MAST4: variants seen among roughly 807,000 people sequenced by gnomAD.
The protein encoded by MAST4 is microtubule associated serine/threonine kinase family member 4, also known as microtubule-associated serine/threonine-protein kinase 4.
In MAST4, 89 loss-of-function variants were observed where a neutral mutation model predicts 162.7. That is an observed-to-expected ratio of 0.55 (90% CI 0.46 to 0.65). The LOEUF is 0.65. Among genes scored for constraint, MAST4 ranks in the 30% least tolerant of loss-of-function variants. The probability of loss-of-function intolerance (pLI) is 0.00; values close to 1 mark genes in which losing one functional copy is unlikely to be tolerated. For missense variants in MAST4, 3,153 were observed against 3,374.0 expected (o/e 0.93, Z 1.62); for synonymous variants, 1,479 against 1,361.1 (o/e 1.09, Z -1.91).
chr5:67,050,243 A>C (rs767517996), intron 4 of MAST4, among the ~76,000 whole-genome samples: 1 of 152,138 alleles, frequency 6.6e-6, no homozygotes, highest in Non-Finnish European at 1.5e-5. Flanking sequence ...TGTTTTCGCG[A>C]TGGTAATAGT....
At chr5:66,728,946 T>G (rs868407098) in intron 1 of MAST4, among the ~76,000 whole-genome samples, 1 of 152,194 alleles carries the variant, frequency 6.6e-6, no homozygotes, top group Non-Finnish European at 1.5e-5. Flanking sequence ...GGAGAGAAGA[T>G]TGTTGAATGC....
chr5:66,742,973 A>C (rs1752555264), intron 1 of MAST4, among the ~76,000 whole-genome samples: 1 of 152,216 alleles, frequency 6.6e-6, no homozygotes, highest in Admixed American at 6.5e-5. Flanking sequence ...CAAGCTATTA[A>C]TTGTGAATAG....
At chr5:66,886,467 C>G (rs1315369318) in intron 3 of MAST4, among the ~76,000 whole-genome samples, 1 of 151,916 alleles carries the variant, frequency 6.6e-6, no homozygotes, top group Non-Finnish European at 1.5e-5. Context: ...GTTCAAAGTT[C>G]CTTTGTTCTA....
At chr5:66,708,692 A>G (rs962472871) in intron 1 of MAST4, among the ~76,000 whole-genome samples, 2 of 152,156 alleles carry the variant, frequency 1.3e-5, no homozygotes, top group East Asian at 3.9e-4. Context: ...TTGGCTATTA[A>G]GGTTTTAGAT....
intron 4 of MAST4, among the ~76,000 whole-genome samples, chr5:66,961,319 A>G (rs920850763): frequency 6.6e-6 from 1 of 152,218 alleles, no homozygotes; most frequent in Non-Finnish European, 1.5e-5. Context: ...TCACACAGCA[A>G]ATGTGTAGAA....
intron 3 of MAST4, among the ~76,000 whole-genome samples, chr5:66,879,882 A>G (rs1020647717): frequency 2.6e-5 from 4 of 152,204 alleles, no homozygotes; most frequent in Admixed American, 2.0e-4. Context: ...CAAATTGTCA[A>G]TGTTAATCAA....
chr5:67,003,682 G>A (rs957913283), intron 4 of MAST4, among the ~76,000 whole-genome samples: 1 of 152,132 alleles, frequency 6.6e-6, no homozygotes, highest in Non-Finnish European at 1.5e-5. Flanking sequence ...TGGATAGGGG[G>A]AGATATTTAA....
intron 1 of MAST4, among the ~76,000 whole-genome samples, chr5:66,753,345 A>C (rs1753309578): frequency 6.6e-6 from 1 of 152,002 alleles, no homozygotes; most frequent in South Asian, 2.1e-4. Context: ...CCCTTCAAAA[A>C]ATTAATGAAT....
intron 3 of MAST4, among the ~76,000 whole-genome samples, chr5:66,842,920 C>T (rs1278325778): frequency 6.6e-6 from 1 of 152,100 alleles, no homozygotes; most frequent in African/African-American, 2.4e-5. Flanking sequence ...TAAATCTTAT[C>T]ACCATTATTT....
At chr5:67,033,315 C>CTCTG (rs1554084489) in intron 4 of MAST4, among the ~76,000 whole-genome samples, 68 of 125,988 alleles carry the variant, frequency 5.4e-4, no homozygotes, top group African/African-American at 2.0e-3. Flanking sequence ...TTTCATTTCT[C>CTCTG]TGTGTGTGTG....
chr5:66,686,259 T>A (rs1309196322), intron 1 of MAST4, among the ~76,000 whole-genome samples: 1 of 152,200 alleles, frequency 6.6e-6, no homozygotes, highest in Admixed American at 6.5e-5. Context: ...TAAGATTAAC[T>A]GCATTACACA....
chr5:66,918,867 A>C (rs1764285060), intron 4 of MAST4, among the ~76,000 whole-genome samples: 1 of 152,214 alleles, frequency 6.6e-6, no homozygotes, highest in African/African-American at 2.4e-5. Flanking sequence ...TGATATACTT[A>C]GATAAAATTG....
intron 1 of MAST4, among the ~76,000 whole-genome samples, chr5:66,645,085 T>C (rs936449395): frequency 1.8e-4 from 27 of 152,052 alleles, no homozygotes; most frequent in African/African-American, 6.5e-4. Flanking sequence ...CTGTTTCTTT[T>C]TGAAGGTGGG....
chr5:67,049,063 A>ATATATACG (rs1554087488), intron 4 of MAST4, among the ~76,000 whole-genome samples: 11 of 98,568 alleles, frequency 1.1e-4, no homozygotes, highest in African/African-American at 3.9e-4. Flanking sequence ...ATATATACGT[A>ATATATACG]TATATATATA....
At chr5:66,650,269 C>G (rs1038103187) in intron 1 of MAST4, among the ~76,000 whole-genome samples, 1 of 152,046 alleles carries the variant, frequency 6.6e-6, no homozygotes, top group Non-Finnish European at 1.5e-5. Flanking sequence ...CATATATGAT[C>G]CTTCTCGGGT....
chr5:66,821,631 A>G (rs1001948527), intron 3 of MAST4, among the ~76,000 whole-genome samples: 3 of 152,224 alleles, frequency 2.0e-5, no homozygotes, highest in African/African-American at 4.8e-5. Flanking sequence ...ATAAAGATTC[A>G]TGTCAACCTC....
intron 1 of MAST4, among the ~76,000 whole-genome samples, chr5:66,680,034 G>A (rs1239028162): frequency 6.6e-6 from 1 of 152,120 alleles, no homozygotes; most frequent in African/African-American, 2.4e-5. Flanking sequence ...GACTGATCAT[G>A]AGCAGCTTGA....
At chr5:66,926,564 C>CTATATA (rs201997403) in intron 4 of MAST4, among the ~76,000 whole-genome samples, 56 of 138,806 alleles carry the variant, frequency 4.0e-4, no homozygotes, top group South Asian at 1.1e-3. Context: ...CTCTTTCTCT[C>CTATATA]TCTATATATA....
intron 1 of MAST4, among the ~76,000 whole-genome samples, chr5:66,622,134 G>A (rs533706057): frequency 1.6e-3 from 244 of 152,260 alleles, no homozygotes; most frequent in South Asian, 5.2e-3. Flanking sequence ...TGTGGGGTGA[G>A]GGATATTTAT....
Sources: allele counts gnomAD v4.1 joint callset (sites outside exome capture counted in the v4.1 genomes callset), GRCh38; gene constraint gnomAD v4.1.1; transcripts MANE v1.5; gene names NCBI Gene and HGNC (gene_info 2026-07-23, HGNC 2026-07-21).